TENM2: variants seen among roughly 807,000 people sequenced by gnomAD.
The protein encoded by TENM2 is teneurin-2.
A neutral mutation model predicts 245.2 loss-of-function variants in TENM2; 52 were observed. The ratio of observed to expected loss-of-function variants is 0.21; its 90% confidence interval spans 0.17 to 0.27. The LOEUF (loss-of-function observed/expected upper bound fraction) is 0.27. Among genes scored for constraint, TENM2 ranks in the 10% least tolerant of loss-of-function variants. TENM2 has a pLI of 1.00. For missense variants in TENM2, 3,046 were observed against 3,666.8 expected (o/e 0.83, Z 4.37); for synonymous variants, 1,363 against 1,438.9 (o/e 0.95, Z 1.19).
the TENM2 span, among the ~76,000 whole-genome samples, chr5:167,221,056 G>C: frequency 2.6e-5 from 4 of 152,198 alleles, no homozygotes; most frequent in Non-Finnish European, 5.9e-5. Context: ...TCAAACTCTT[G>C]ATCTCAGGTG....
chr5:168,220,035 C>G (rs1006483336), intron 23 of TENM2, among the ~76,000 whole-genome samples: 1 of 152,098 alleles, frequency 6.6e-6, no homozygotes, highest in Non-Finnish European at 1.5e-5. Context: ...CTTTGGGCAA[C>G]TCTTTCTCAA....
chr5:168,143,267 T>C lies in TENM2; in HGVS notation c.2422+16301T>C, dbSNP rs80142893. Among the ~76,000 whole-genome samples the C allele has an allele frequency of 6.3e-3, 947 of 151,378 alleles. 13 individuals are homozygous for C. Among genetic ancestry groups the C allele is most frequent in the Middle Eastern group, 0.027 (8 of 292 alleles). ...AGGGGTAGATGAAAGTCTTACTCTTTTTTTTTTTTTCAGAAACCACATTTA... is the reference window on the plus strand; with the variant it reads ...AGGGGTAGATGAAAGTCTTACTCTTCTTTTTTTTTTCAGAAACCACATTTA... On this transcript the variant is annotated intron_variant, in intron 12 of 28. Coordinates refer to ENST00000518659, the Ensembl canonical transcript of TENM2.
At chr5:167,261,215 A>G in the TENM2 span, among the ~76,000 whole-genome samples, 99,325 of 151,966 alleles carry the variant, frequency 0.65, 34,145 homozygotes, top group Middle Eastern at 0.86. Context: ...ATGAACCACA[A>G]CCTTAGACAG....
chr5:167,920,631 G>A (rs947095575), intron 3 of TENM2, among the ~76,000 whole-genome samples: 3 of 151,804 alleles, frequency 2.0e-5, no homozygotes, highest in Non-Finnish European at 2.9e-5. Flanking sequence ...AGACTGTGTA[G>A]GACACTTACA....
At chr5:167,667,130 A>G (rs1407871200) in intron 2 of TENM2, among the ~76,000 whole-genome samples, 1 of 152,198 alleles carries the variant, frequency 6.6e-6, no homozygotes, top group Non-Finnish European at 1.5e-5. Context: ...GTATCCTTAC[A>G]TCTGCTTTCA....
At chr5:167,492,580 A>G (rs1048530063) in intron 2 of TENM2, among the ~76,000 whole-genome samples, 1 of 152,104 alleles carries the variant, frequency 6.6e-6, no homozygotes, top group African/African-American at 2.4e-5. Flanking sequence ...ATTTTATAGA[A>G]TTTACATGGC....
intron 2 of TENM2, among the ~76,000 whole-genome samples, chr5:167,431,970 T>TATATATATACACAC (rs199737580): frequency 2.2e-5 from 3 of 135,530 alleles, no homozygotes; most frequent in Non-Finnish European, 3.1e-5. Flanking sequence ...TGTATATATA[T>TATATATATACACAC]ATATATATGG....
At chr5:167,972,930 G>A (rs535395827) in intron 4 of TENM2, among the ~76,000 whole-genome samples, 71 of 152,184 alleles carry the variant, frequency 4.7e-4, no homozygotes, top group Non-Finnish European at 9.6e-4. Context: ...CTAGCTGTAG[G>A]GCCCTTTCTC....
chr5:167,959,265 G>A (rs1780813170), intron 4 of TENM2, among the ~76,000 whole-genome samples: 1 of 151,080 alleles, frequency 6.6e-6, no homozygotes, highest in Non-Finnish European at 1.5e-5. Flanking sequence ...CGCGATCTCG[G>A]CTCACTGCAA....
chr5:167,804,040 T>G (rs1583051508), intron 2 of TENM2, among the ~76,000 whole-genome samples: 1 of 152,216 alleles, frequency 6.6e-6, no homozygotes, highest in African/African-American at 2.4e-5. Context: ...TGAAGCATTT[T>G]GGATTTTGGG....
chr5:167,479,740 T>G (rs1166794065), intron 2 of TENM2, among the ~76,000 whole-genome samples: 1 of 152,202 alleles, frequency 6.6e-6, no homozygotes, highest in Non-Finnish European at 1.5e-5. Context: ...CTTACTAGAC[T>G]GTAAACTTGA....
the TENM2 span, among the ~76,000 whole-genome samples, chr5:167,168,793 TC>T: frequency 1.3e-5 from 2 of 152,212 alleles, no homozygotes; most frequent in African/African-American, 2.4e-5. Flanking sequence ...AGAGTCTCGC[TC>T]TGTTGTTCAG....
intron 3 of TENM2, among the ~76,000 whole-genome samples, chr5:167,900,463 T>C (rs1318470385): frequency 1.3e-5 from 2 of 152,184 alleles, no homozygotes; most frequent in Non-Finnish European, 2.9e-5. Context: ...TGTTTGTATA[T>C]GTGTTCCCAT....
At chr5:167,428,100 C>T (rs1763988208) in intron 2 of TENM2, among the ~76,000 whole-genome samples, 1 of 152,118 alleles carries the variant, frequency 6.6e-6, no homozygotes, top group African/African-American at 2.4e-5. Flanking sequence ...TTAATTTATG[C>T]AAGTCTTTTA....
intron 1 of TENM2, among the ~76,000 whole-genome samples, chr5:167,314,931 C>T (rs942478904): frequency 1.3e-5 from 2 of 151,818 alleles, no homozygotes; most frequent in South Asian, 2.1e-4. Flanking sequence ...CTTCTGTCTG[C>T]TTTTTTCAGT....
intron 2 of TENM2, among the ~76,000 whole-genome samples, chr5:167,696,241 T>C (rs1757760320): frequency 6.6e-6 from 1 of 151,886 alleles, no homozygotes; most frequent in Non-Finnish European, 1.5e-5. Flanking sequence ...TCTGTAGTTC[T>C]GAAAAAAGTA....
chr5:168,175,856 T>C (rs1759310958), intron 13 of TENM2, among the ~76,000 whole-genome samples: 2 of 152,194 alleles, frequency 1.3e-5, no homozygotes, highest in Admixed American at 6.5e-5. Context: ...TCAGGGAGTG[T>C]AGAACCAGGG....
At chr5:167,075,210 G>T in the TENM2 span, among the ~76,000 whole-genome samples, 1 of 152,152 alleles carries the variant, frequency 6.6e-6, no homozygotes, top group South Asian at 2.1e-4. Flanking sequence ...GAGAGAGAGA[G>T]AGAGAGTTTC....
chr5:167,924,366 G>C (rs892367013), intron 3 of TENM2, among the ~76,000 whole-genome samples: 2 of 152,208 alleles, frequency 1.3e-5, no homozygotes, highest in African/African-American at 4.8e-5. Flanking sequence ...GAGTCAATAG[G>C]ATGCCCATTG....
Sources: gnomAD v4.1 joint callset for allele counts (sites outside exome capture counted in the v4.1 genomes callset) on GRCh38, gnomAD v4.1.1 for gene constraint, MANE v1.5 for transcripts, NCBI Gene and HGNC (gene_info 2026-07-23, HGNC 2026-07-21) for gene names.